RORB: variants seen among roughly 807,000 people sequenced by gnomAD.
RORB encodes the protein RAR related orphan receptor B.
In RORB, 6 loss-of-function variants were observed where a neutral mutation model predicts 59.1. That is an observed-to-expected ratio of 0.10 (90% CI 0.06 to 0.20). The LOEUF is 0.20. Among genes scored for constraint, RORB ranks in the 10% least tolerant of loss-of-function variants. RORB has a pLI of 1.00. For missense variants in RORB, 320 were observed against 560.5 expected (o/e 0.57, Z 4.33); for synonymous variants, 215 against 204.5 (o/e 1.05, Z -0.44).
intron 9 of RORB, among the ~76,000 whole-genome samples, chr9:74,676,529 A>G (rs949170247): frequency 1.3e-5 from 2 of 152,234 alleles, no homozygotes; most frequent in Non-Finnish European, 2.9e-5. Context: ...TCACTTCTGA[A>G]AACATGTTCA....
intron 5 of RORB, among the ~76,000 whole-genome samples, chr9:74,661,287 G>A (rs1305495855): frequency 6.6e-6 from 1 of 152,076 alleles, no homozygotes; most frequent in East Asian, 1.9e-4. Context: ...ATTTATTGTT[G>A]TTTTTCAGTA....
At chr9:74,548,172 G>C (rs1020903392) in intron 1 of RORB, among the ~76,000 whole-genome samples, 10 of 152,194 alleles carry the variant, frequency 6.6e-5, no homozygotes, top group African/African-American at 2.4e-4. Context: ...ATGACCGTGT[G>C]GGGAGAGGGT....
intron 1 of RORB, among the ~76,000 whole-genome samples, chr9:74,499,546 G>T (rs890263132): frequency 2.6e-5 from 4 of 152,180 alleles, no homozygotes; most frequent in Non-Finnish European, 5.9e-5. Context: ...TGATTGGCCG[G>T]CTCGCTGGGA....
chr9:74,514,109 A>T (rs1825978014), intron 1 of RORB, among the ~76,000 whole-genome samples: 1 of 152,124 alleles, frequency 6.6e-6, no homozygotes, highest in South Asian at 2.1e-4. Context: ...TTCTTAGATG[A>T]CCACGCACAA....
At chr9:74,637,728 G>T (rs187184274) in intron 3 of RORB, among the ~76,000 whole-genome samples, 24 of 152,150 alleles carry the variant, frequency 1.6e-4, no homozygotes, top group African/African-American at 4.8e-4. Flanking sequence ...GCCCTAAAAG[G>T]ACAGGTTTCA....
chr9:74,566,357 T>C (rs1268086982), intron 1 of RORB, among the ~76,000 whole-genome samples: 7 of 152,120 alleles, frequency 4.6e-5, no homozygotes, highest in Non-Finnish European at 1.0e-4. Context: ...TTTCTTCTCA[T>C]GTTTTGAGAA....
At chr9:74,498,352 A>C in intron 1 of RORB, 5 of 203,818 alleles carry the variant, frequency 2.5e-5, no homozygotes, top group East Asian at 1.1e-4. Context: ...GCAGTTTGGA[A>C]GCGCCCGGCG....
intron 1 of RORB, among the ~76,000 whole-genome samples, chr9:74,523,730 G>T (rs1044251355): frequency 6.6e-6 from 1 of 151,838 alleles, no homozygotes. Context: ...TCTAGAAGAC[G>T]GTTAATCCAA....
At chr9:74,577,985 T>C (rs1246955368) in intron 1 of RORB, among the ~76,000 whole-genome samples, 1 of 152,094 alleles carries the variant, frequency 6.6e-6, no homozygotes. Context: ...CAAAATATTA[T>C]GTAGCCTAAC....
intron 4 of RORB, among the ~76,000 whole-genome samples, chr9:74,644,058 C>T (rs1417602865): frequency 2.6e-5 from 4 of 152,250 alleles, no homozygotes; most frequent in South Asian, 4.1e-4. Flanking sequence ...CGGTCACCTT[C>T]TCTGTCTAAC....
At chr9:74,504,532 C>T (rs1026668411) in intron 1 of RORB, among the ~76,000 whole-genome samples, 3 of 151,942 alleles carry the variant, frequency 2.0e-5, no homozygotes, top group Non-Finnish European at 4.4e-5. Context: ...AGCATGTTCA[C>T]CTCTGGGTAG....
At chr9:74,585,988 G>T (rs1822793008) in intron 1 of RORB, among the ~76,000 whole-genome samples, 1 of 151,796 alleles carries the variant, frequency 6.6e-6, no homozygotes, top group Non-Finnish European at 1.5e-5. Context: ...TAGAGACAGG[G>T]TTTCACCGTG....
chr9:74,497,892 T>G lies in RORB; in HGVS notation c.-85T>G. 2 of 1,538,290 alleles carry G rather than the reference T, an allele frequency of 1.3e-6. No individual in the cohort carries two copies. The highest frequency in any genetic ancestry group is 1.8e-6 in the Non-Finnish European group (2 of 1,124,150). On this transcript the variant is annotated 5_prime_UTR_variant, in exon 1 of 10. Transcript: ENST00000376896. ...GCTCTTCGCCGACCACCTTCTTCAC[T>G]CGTGCTGAGCGGGATTTTTGGGCTC...
At chr9:74,561,672 C>T (rs1393555647) in intron 1 of RORB, among the ~76,000 whole-genome samples, 2 of 152,092 alleles carry the variant, frequency 1.3e-5, no homozygotes, top group South Asian at 2.1e-4. Flanking sequence ...CCAACTTTCC[C>T]TAATGTTAAA....
intron 1 of RORB, among the ~76,000 whole-genome samples, chr9:74,595,682 C>T (rs1301388325): frequency 1.3e-5 from 2 of 152,202 alleles, no homozygotes; most frequent in South Asian, 4.2e-4. Flanking sequence ...ACCCTCTGTT[C>T]ATCCTATGTT....
intron 9 of RORB, among the ~76,000 whole-genome samples, chr9:74,675,845 A>G (rs1824430132): frequency 6.6e-6 from 1 of 152,196 alleles, no homozygotes; most frequent in African/African-American, 2.4e-5. Context: ...GGAACCTGTG[A>G]TGCTCTTTCC....
At chr9:74,533,124 T>C (rs1826272239) in intron 1 of RORB, among the ~76,000 whole-genome samples, 1 of 151,852 alleles carries the variant, frequency 6.6e-6, no homozygotes, top group Non-Finnish European at 1.5e-5. Flanking sequence ...TTGGACTCTG[T>C]AGGCACTTGT....
chr9:74,631,282 A>G (rs970316366), intron 2 of RORB, among the ~76,000 whole-genome samples: 4 of 152,254 alleles, frequency 2.6e-5, no homozygotes, highest in African/African-American at 9.6e-5. Context: ...TCTATAGCTA[A>G]CGCTAAAGGA....
At chr9:74,605,459 A>G (rs1294006773) in intron 1 of RORB, among the ~76,000 whole-genome samples, 1 of 152,196 alleles carries the variant, frequency 6.6e-6, no homozygotes, top group African/African-American at 2.4e-5. Flanking sequence ...TCCACAGTAT[A>G]GGCGGTGTGT....
Sources: gnomAD v4.1 joint callset for allele counts (sites outside exome capture counted in the v4.1 genomes callset) on GRCh38, gnomAD v4.1.1 for gene constraint, MANE v1.5 for transcripts, NCBI Gene and HGNC (gene_info 2026-07-23, HGNC 2026-07-21) for gene names.